CDH20: variants seen among roughly 807,000 people sequenced by gnomAD.
CDH20 encodes cadherin 20.
CDH20 carries 29 observed loss-of-function variants against 74.2 expected under a neutral mutation model. That is an observed-to-expected ratio of 0.39 (90% CI 0.29 to 0.53). The LOEUF (loss-of-function observed/expected upper bound fraction) is 0.53, where lower values mean the gene tolerates loss of function less well. CDH20 is among the 20% of genes least tolerant of loss of function. The pLI is 0.69. For missense variants in CDH20, 988 were observed against 1,048.3 expected (o/e 0.94, Z 0.79); for synonymous variants, 469 against 405.4 (o/e 1.16, Z -1.88).
rs1910047594 is a variant in CDH20 at position 61,344,308 on chromosome 18, TCAC to T, written c.-153+10484_-153+10486del. Among the ~76,000 whole-genome samples, 3 of 152,114 alleles carry T rather than the reference TCAC, an allele frequency of 2.0e-5. No individual in the cohort carries two copies. In the South Asian group the frequency reaches 6.2e-4, roughly 32 times the overall value. On this transcript the variant is annotated intron_variant, in intron 1 of 11. Transcript: ENST00000262717. Reference sequence around the variant, plus strand: ...ATAATGCCATGAGGTACAAATATCATCACCATTTAGTAGCTGAAGAAATGAAGT... The same window carrying T: ...ATAATGCCATGAGGTACAAATATCATCATTTAGTAGCTGAAGAAATGAAGT...
intron 1 of CDH20, among the ~76,000 whole-genome samples, chr18:61,470,821 T>C (rs1380321464): frequency 6.6e-6 from 1 of 152,148 alleles, no homozygotes; most frequent in Admixed American, 6.5e-5. Flanking sequence ...AAACGTGAAA[T>C]TGAGGAAAGT....
chr18:61,541,196 G>A (rs557335829), intron 9 of CDH20, among the ~76,000 whole-genome samples: 1 of 152,180 alleles, frequency 6.6e-6, no homozygotes, highest in Admixed American at 6.5e-5. Flanking sequence ...GAGGGAAGAT[G>A]CAAAAATAGT....
intron 6 of CDH20, among the ~76,000 whole-genome samples, chr18:61,509,187 G>A (rs1471882901): frequency 1.3e-5 from 2 of 152,118 alleles, no homozygotes; most frequent in Admixed American, 1.3e-4. Context: ...ACTTACTCAT[G>A]TAACCAAATA....
In CDH20 at chr18:61,502,931, CAA is replaced by C. The variant is rs775978958; in HGVS notation, c.662-20_662-19del. 9.6e-6 allele frequency: 15 copies of C among 1,569,704 alleles called. No homozygotes were observed. The East Asian group carries it at 3.4e-4, about 36-fold the overall frequency. On this transcript the variant is annotated intron_variant, in intron 4 of 11. Coordinates refer to ENST00000262717, the MANE Select transcript of CDH20 (RefSeq NM_031891.4). ...GGACCTGTGGTTTTATTTTTATAAACAAAGTCATTTCTATCCTCCAGGTGTAA... is the reference window on the plus strand; with the variant it reads ...GGACCTGTGGTTTTATTTTTATAAACAGTCATTTCTATCCTCCAGGTGTAA...
intron 1 of CDH20, among the ~76,000 whole-genome samples, chr18:61,414,388 C>A (rs990381509): frequency 6.6e-6 from 1 of 152,140 alleles, no homozygotes; most frequent in Admixed American, 6.5e-5. Context: ...TCTCCTATGA[C>A]CCTCACATTG....
intron 10 of CDH20, among the ~76,000 whole-genome samples, chr18:61,547,173 T>G (rs1482613536): frequency 6.6e-6 from 1 of 152,108 alleles, no homozygotes; most frequent in African/African-American, 2.4e-5. Flanking sequence ...TAACAATTTT[T>G]TTTAAGTAGC....
chr18:61,525,588 C>T (rs138855566), intron 6 of CDH20, among the ~76,000 whole-genome samples: 7 of 152,002 alleles, frequency 4.6e-5, no homozygotes, highest in Non-Finnish European at 8.8e-5. Flanking sequence ...TGGAGATGGG[C>T]GTCTGGGTTT....
intron 7 of CDH20, among the ~76,000 whole-genome samples, chr18:61,535,255 A>G (rs1912782442): frequency 6.6e-6 from 1 of 152,068 alleles, no homozygotes; most frequent in African/African-American, 2.4e-5. Flanking sequence ...GGCAGAGGCT[A>G]CAGTGAGCTG....
intron 1 of CDH20, among the ~76,000 whole-genome samples, chr18:61,409,683 C>A (rs908196540): frequency 6.6e-6 from 1 of 152,122 alleles, no homozygotes; most frequent in Non-Finnish European, 1.5e-5. Context: ...ATTAAAATTG[C>A]GCGTGAGGAT....
At chr18:61,540,163 C>A (rs1912974723) in intron 9 of CDH20, among the ~76,000 whole-genome samples, 1 of 152,126 alleles carries the variant, frequency 6.6e-6, no homozygotes, top group African/African-American at 2.4e-5. Flanking sequence ...CCCTACAGAT[C>A]CCCTAATAGT....
chr18:61,471,403 C>G (rs1031436752), intron 1 of CDH20, among the ~76,000 whole-genome samples: 3 of 152,066 alleles, frequency 2.0e-5, no homozygotes, highest in African/African-American at 7.2e-5. Context: ...TATCTCCCAG[C>G]AAAAGTCATT....
chr18:61,419,416 T>C (rs1332390544), intron 1 of CDH20, among the ~76,000 whole-genome samples: 1 of 152,206 alleles, frequency 6.6e-6, no homozygotes, highest in Non-Finnish European at 1.5e-5. Flanking sequence ...TGTATGTACC[T>C]TTGTGTATAT....
chr18:61,544,808 A>C (rs1278718782), intron 9 of CDH20, among the ~76,000 whole-genome samples: 1 of 152,122 alleles, frequency 6.6e-6, no homozygotes, highest in Non-Finnish European at 1.5e-5. Flanking sequence ...AGGAGTTCCT[A>C]TTCTCACTTA....
At chr18:61,335,222 A>C (rs1229616226) in intron 1 of CDH20, among the ~76,000 whole-genome samples, 1 of 152,152 alleles carries the variant, frequency 6.6e-6, no homozygotes, top group Non-Finnish European at 1.5e-5. Flanking sequence ...AACCTGGGAA[A>C]ATCTTTTCCC....
chr18:61,409,790 G>C (rs1912439853), intron 1 of CDH20, among the ~76,000 whole-genome samples: 2 of 152,040 alleles, frequency 1.3e-5, no homozygotes, highest in Admixed American at 1.3e-4. Flanking sequence ...ATTAATAGCT[G>C]GTCTCAGTCA....
chr18:61,404,134 A>G (rs1245045319), intron 1 of CDH20, among the ~76,000 whole-genome samples: 3 of 152,222 alleles, frequency 2.0e-5, no homozygotes, highest in African/African-American at 7.2e-5. Flanking sequence ...CTTAATACCT[A>G]TGATGGATTG....
rs1187637557 is a variant in CDH20 at position 61,554,869 on chromosome 18, G to C, written c.*174G>C. The C allele has an allele frequency of 7.1e-7, 1 of 1,400,518 alleles. No homozygotes were observed. Among genetic ancestry groups the C allele is most frequent in the Non-Finnish European group, 9.3e-7 (1 of 1,079,662 alleles). The allele number at this position is 1,400,518 out of a possible 1,614,324, so 86.8% of individuals were successfully genotyped here. On this transcript the variant is annotated 3_prime_UTR_variant, in exon 12 of 12. Transcript: ENST00000262717. ...TACTTGGGTAGATTAAGTTAAATAA[G>C]CAAAAGGAAACCCAGAAGGAAGAGG...
intron 9 of CDH20, among the ~76,000 whole-genome samples, chr18:61,539,369 G>A (rs1475562702): frequency 6.6e-6 from 1 of 152,146 alleles, no homozygotes; most frequent in African/African-American, 2.4e-5. Context: ...ATTTTTGGAG[G>A]CTGAGGCAGG....
intron 1 of CDH20, among the ~76,000 whole-genome samples, chr18:61,345,851 T>G (rs995154688): frequency 6.6e-6 from 1 of 152,066 alleles, no homozygotes. Flanking sequence ...AGAGGTTGTT[T>G]GGGAATTTGG....
Sources: gnomAD v4.1 joint callset for allele counts (sites outside exome capture counted in the v4.1 genomes callset) on GRCh38, gnomAD v4.1.1 for gene constraint, MANE v1.5 for transcripts, NCBI Gene and HGNC (gene_info 2026-07-23, HGNC 2026-07-21) for gene names.